The following ODR4 variants were observed in gnomAD, a reference collection of about 807,000 sequenced individuals.
The protein encoded by ODR4 is protein odr-4 homolog.
Under a neutral mutation model 60.2 loss-of-function variants are expected in ODR4, and 47 were observed. The observed-to-expected ratio is 0.78, with a 90% CI of 0.62 to 1.00. The LOEUF is 1.00. Among genes scored for constraint, ODR4 ranks in the 50% least tolerant of loss-of-function variants. The pLI, the probability that ODR4 is intolerant of heterozygous loss-of-function variation, is 0.00. For missense variants in ODR4, 488 were observed against 530.8 expected (o/e 0.92, Z 0.79); for synonymous variants, 178 against 175.5 (o/e 1.01, Z -0.11).
chr1:186,408,104 G>C (rs60927100), intron 12 of ODR4, among the ~76,000 whole-genome samples: 1 of 152,034 alleles, frequency 6.6e-6, no homozygotes, highest in Non-Finnish European at 1.5e-5. Context: ...ATCATTCCTT[G>C]TAACAACCCT....
intron 2 of ODR4, 51 bp downstream of exon 2, chr1:186,379,935 A>G: frequency 9.6e-7 from 1 of 1,046,134 alleles, no homozygotes; most frequent in Non-Finnish European, 1.4e-6. Context: ...TCTGTAATTT[A>G]TTTTAAAAAT....
rs1404720216 is a variant in ODR4 at position 186,421,351 on chromosome 1, A to G, written c.*2275A>G. On this transcript the variant is annotated 3_prime_UTR_variant, in exon 14 of 14. Coordinates refer to ENST00000287859, the MANE Select transcript of ODR4 (RefSeq NM_017847.6). ...GAAATTGTAAACAAATGTAAAACTA[A>G]ATAAACATTGTTATGCAACATTAAT... 1 of 151,640 alleles carries G rather than the reference A, an allele frequency of 6.6e-6. No homozygotes were observed. Among genetic ancestry groups the G allele is most frequent in the East Asian group, 1.9e-4 (1 of 5,204 alleles). 9.4% of individuals were successfully genotyped at this position (151,640 alleles called of 1,614,324 possible). A position where few individuals can be genotyped will look rare whatever the true frequency, so the allele number is the denominator to read the frequency against.
chr1:186,413,381 C>G (rs1661443742), intron 12 of ODR4, among the ~76,000 whole-genome samples: 2 of 152,040 alleles, frequency 1.3e-5, no homozygotes. Flanking sequence ...CAAGTAGTTG[C>G]TATGTTTAAA....
the ODR4 span, among the ~76,000 whole-genome samples, chr1:186,430,104 A>C: frequency 6.6e-6 from 1 of 152,040 alleles, no homozygotes; most frequent in African/African-American, 2.4e-5. Context: ...TGTTAGATTC[A>C]AATTGTATTA....
At chr1:186,387,550 T>G (rs1660301444) in intron 4 of ODR4, among the ~76,000 whole-genome samples, 1 of 152,212 alleles carries the variant, frequency 6.6e-6, no homozygotes, top group South Asian at 2.1e-4. Context: ...TTCAATTATC[T>G]AATTGTTTCC....
chr1:186,420,109 T>A lies in ODR4; in HGVS notation c.*1033T>A, dbSNP rs1345483207. 1.3e-5 allele frequency: 2 copies of A among 152,208 alleles called. 1 individual carries two copies. The highest frequency in any genetic ancestry group is 2.9e-5 in the Non-Finnish European group (2 of 68,042). 9.4% of individuals were successfully genotyped at this position (152,208 alleles called of 1,614,324 possible). A position where few individuals can be genotyped will look rare whatever the true frequency, so the allele number is the denominator to read the frequency against. On this transcript the variant is annotated 3_prime_UTR_variant, in exon 14 of 14. Transcript: ENST00000287859. ...ATAGGTTCACTGGAAGTAGGAGAATTTTCAAGAACCATACTTCGACATTTC... is the reference window on the plus strand; with the variant it reads ...ATAGGTTCACTGGAAGTAGGAGAATATTCAAGAACCATACTTCGACATTTC...
chr1:186,408,502 CAT>C (rs1294359995), intron 12 of ODR4, among the ~76,000 whole-genome samples: 4 of 149,656 alleles, frequency 2.7e-5, no homozygotes, highest in East Asian at 1.9e-4. Context: ...TTTATATAAA[CAT>C]ATAAACAATA....
chr1:186,414,681 G>C (rs185966104), intron 12 of ODR4, among the ~76,000 whole-genome samples: 2,035 of 151,988 alleles, frequency 0.013, 105 homozygotes, highest in Admixed American at 0.1. Context: ...CACCATACCT[G>C]GCTAATTTTT....
chr1:186,411,773 T>C, intron 12 of ODR4: 1 of 626,636 alleles, frequency 1.6e-6, no homozygotes, highest in Non-Finnish European at 2.0e-6. Flanking sequence ...TATTTAAAAA[T>C]TATTTACTGT....
intron 9 of ODR4, among the ~76,000 whole-genome samples, chr1:186,394,737 G>A (rs975001243): frequency 6.6e-6 from 1 of 152,148 alleles, no homozygotes; most frequent in Non-Finnish European, 1.5e-5. Context: ...AAGCAATTTG[G>A]CATTTGAGGA....
intron 12 of ODR4, among the ~76,000 whole-genome samples, chr1:186,415,890 C>G (rs1661547985): frequency 6.6e-6 from 1 of 152,178 alleles, no homozygotes; most frequent in Admixed American, 6.5e-5. Context: ...GCACTTTAAC[C>G]TCCCAGGTTA....
downstream of ODR4, among the ~76,000 whole-genome samples, chr1:186,423,362 T>C (rs1571710655): frequency 1.3e-5 from 2 of 150,266 alleles, no homozygotes; most frequent in African/African-American, 4.9e-5. Context: ...TAATAAACTT[T>C]GACAAAACAG....
In ODR4 at chr1:186,401,131, G is replaced by A. The variant is rs370562234; in HGVS notation, c.1000+2087G>A. On this transcript the variant is annotated intron_variant, in intron 11 of 13. Coordinates refer to ENST00000287859, the MANE Select transcript of ODR4 (RefSeq NM_017847.6). ...TTCTATTTAAAAATCCTTTATAAAA[G>A]TGGTATTATATGGCTATCCTGGTAT... 1.0e-4 allele frequency: 163 copies of A among 1,596,118 alleles called. No individual in the cohort carries two copies. The highest frequency in any genetic ancestry group is 1.3e-4 in the Non-Finnish European group (157 of 1,166,526).
rs1660577198 is a variant in ODR4, at chr1:186,394,090, T to G, written c.780+75T>G. The G allele has an allele frequency of 1.0e-5, 9 of 900,554 alleles. No homozygotes were observed. In the East Asian group the frequency reaches 2.4e-4, roughly 24 times the overall value. The allele number at this position is 900,554 out of a possible 1,614,324, so 55.8% of individuals were successfully genotyped here. A position where few individuals can be genotyped will look rare whatever the true frequency, so the allele number is the denominator to read the frequency against. On this transcript the variant is annotated intron_variant, in intron 9 of 13. Coordinates refer to ENST00000287859, the MANE Select transcript of ODR4 (RefSeq NM_017847.6). ...GAAACTGTTTCTGTTTTTATTTTTC[T>G]CATTAGAGAATAAAAGGATTTTAGA...
At chr1:186,389,698 T>G in intron 6 of ODR4, 74 bp downstream of exon 6, 1 of 1,096,314 alleles carries the variant, frequency 9.1e-7, no homozygotes, top group Non-Finnish European at 1.3e-6. Context: ...TTTATTTAGT[T>G]TTAATAATTT....
rs1332831414 is a variant in ODR4 at position 186,417,607 on chromosome 1, A to G, written c.1250A>G (p.Lys417Arg). ...SLDNTDDEQPKQPIKTTMLLK... is the reference protein window; with the variant it reads ...SLDNTDDEQPRQPIKTTMLLK... ...GACAACACAGATGATGAACAACCAA[A>G]ACAACCAATTAAAACTACAATGTTA... Residue 417 changes from lysine to arginine, a missense_variant, in exon 13 of 14, where the codon AAA becomes AGA. Coordinates refer to ENST00000287859, the MANE Select transcript of ODR4 (RefSeq NM_017847.6). 1 of 1,603,718 alleles carries G rather than the reference A, an allele frequency of 6.2e-7. No individual in the cohort carries two copies.
chr1:186,433,672 T>G, the ODR4 span, among the ~76,000 whole-genome samples: 4 of 152,008 alleles, frequency 2.6e-5, no homozygotes, highest in African/African-American at 9.7e-5. Context: ...CCTCTGCCAC[T>G]TGGGTTCAAG....
At chr1:186,378,221 T>A (rs535431557) in intron 1 of ODR4, among the ~76,000 whole-genome samples, 1 of 152,318 alleles carries the variant, frequency 6.6e-6, no homozygotes, top group Admixed American at 6.5e-5. Context: ...TTTACTGGTA[T>A]CAGATATACC....
chr1:186,397,776 C>T (rs911624464), intron 9 of ODR4, among the ~76,000 whole-genome samples: 2 of 152,098 alleles, frequency 1.3e-5, no homozygotes, highest in Admixed American at 6.5e-5. Context: ...ACCTGAAAAC[C>T]GAACAAGAGC....
Sources: allele counts gnomAD v4.1 joint callset (sites outside exome capture counted in the v4.1 genomes callset), GRCh38; gene constraint gnomAD v4.1.1; transcripts MANE v1.5; gene names NCBI Gene and HGNC (gene_info 2026-07-23, HGNC 2026-07-21).